FANCD2: variants seen among roughly 807,000 people sequenced by gnomAD.
The protein encoded by FANCD2 is FA complementation group D2.
In FANCD2, 131 loss-of-function variants were observed where a neutral mutation model predicts 192.3. That is an observed-to-expected ratio of 0.68 (90% confidence interval 0.59 to 0.79). FANCD2 has a LOEUF of 0.79. FANCD2 is among the 30% of genes least tolerant of loss of function. FANCD2 has a pLI of 0.00. For synonymous variants in FANCD2, 524 were observed against 612.5 expected (o/e 0.86, Z 2.13); for missense variants, 1,508 against 1,701.6 (o/e 0.89, Z 2.00).
chr3:10,039,829 G>T lies in FANCD2; in HGVS notation c.679G>T (p.Val227Leu). The stretch of plus-strand genomic sequence containing the variant: ...CCTAGGGGATTCCCAGCACGCTGAT[G>T]TGGGGAAAGAACTCAGGTGGATAAA... ...EILGDSQHAD[V>L]GKELSDLLIE... is the part of the protein sequence containing the mutation. Residue 227 changes from valine to leucine, a missense_variant, in exon 9 of 44, where the codon GTG becomes TTG. By Grantham distance (32) the Val-to-Leu change is conservative. Coordinates refer to ENST00000675286, the MANE Select transcript of FANCD2 (RefSeq NM_001018115.3). 1 of 1,614,022 alleles carries T rather than the reference G, an allele frequency of 6.2e-7. No individual in the cohort carries two copies. The highest frequency in any genetic ancestry group is 2.2e-5 in the East Asian group (1 of 44,870).
intron 32 of FANCD2, 98 bp from the exon 33 acceptor site, chr3:10,085,714 A>G: frequency 2.4e-6 from 2 of 840,228 alleles, no homozygotes; most frequent in Non-Finnish European, 4.2e-6. Flanking sequence ...TCAAACCGTT[A>G]AACTATTGAT....
intron 43 of FANCD2, among the ~76,000 whole-genome samples, 175 bp from the exon 44 acceptor site, chr3:10,101,013 G>A (rs1452045042): frequency 6.6e-6 from 1 of 151,772 alleles, no homozygotes; most frequent in African/African-American, 2.4e-5. Context: ...AGGTTGCAGT[G>A]AGCTGAGATC....
rs748717972 is a variant in FANCD2, at chr3:10,085,936, A to G, written c.3335+14A>G. 1.1e-5 allele frequency: 17 copies of G among 1,547,744 alleles called. No homozygotes were observed. The highest frequency in any genetic ancestry group is 1.7e-4 in the Middle Eastern group (1 of 5,960). On this transcript the variant is annotated intron_variant, in intron 33 of 43. Coordinates refer to ENST00000675286, the MANE Select transcript of FANCD2 (RefSeq NM_001018115.3). Reference sequence around the variant, plus strand: ...GGAACTACTCAGGTGAGTCATAACTACATAGCCAAGATTGTTGTCCCAAGA... The same window carrying G: ...GGAACTACTCAGGTGAGTCATAACTGCATAGCCAAGATTGTTGTCCCAAGA...
chr3:10,088,797 T>A (rs761955186), intron 35 of FANCD2, 31 bp from the exon 36 acceptor site: 1 of 1,612,396 alleles, frequency 6.2e-7, no homozygotes, highest in Non-Finnish European at 8.5e-7. Context: ...CTTTGTTAAT[T>A]AGTGGGTCAA....
At chr3:10,047,155 G>A (rs536966845) in intron 15 of FANCD2, among the ~76,000 whole-genome samples, 32 of 152,236 alleles carry the variant, frequency 2.1e-4, no homozygotes, top group South Asian at 4.1e-4. Context: ...ATGGGCCAGT[G>A]GTTTGGGGTT....
At chr3:10,048,326 G>A (rs1049718680) in intron 16 of FANCD2, among the ~76,000 whole-genome samples, 12 of 119,170 alleles carry the variant, frequency 1.0e-4, no homozygotes, top group East Asian at 9.2e-4. Context: ...GTTTTGAGAC[G>A]TGGTTTTGCT....
intron 29 of FANCD2, among the ~76,000 whole-genome samples, chr3:10,077,767 T>C (rs1378249005): frequency 1.3e-5 from 2 of 152,042 alleles, no homozygotes; most frequent in Admixed American, 6.6e-5. Context: ...TGGTGGTTCA[T>C]ACCTGTAATC....
chr3:10,036,319 G>A lies in FANCD2; in HGVS notation c.471G>A (p.Leu157=). 6.2e-7 allele frequency: 1 copy of A among 1,612,866 alleles called. No homozygotes were observed. Among genetic ancestry groups the A allele is most frequent in the Non-Finnish European group, 8.5e-7 (1 of 1,179,182 alleles). Residue 157 remains leucine (L), a synonymous_variant, in exon 7 of 44, where the codon TTG becomes TTA. Transcript: ENST00000675286. ...PAIIKTLFEK[L]PEYFFENKNS... ...TTATCAAAACCTTATTTGAGAAGTT[G>A]CCAGAATATTTTTTTGAAAAGTAAG...
At chr3:10,060,229 A>G in intron 18 of FANCD2, 65 bp from the exon 19 acceptor site, 2 of 1,121,150 alleles carry the variant, frequency 1.8e-6, no homozygotes, top group African/African-American at 1.5e-5. Context: ...ATATGGCTCG[A>G]TATCCATACC....
At chr3:10,054,413 AT>A (rs1172540168) in intron 18 of FANCD2, among the ~76,000 whole-genome samples, 1 of 93,496 alleles carries the variant, frequency 1.1e-5, no homozygotes, top group African/African-American at 7.0e-5. Flanking sequence ...GTATATACGT[AT>A]ATACATATAT....
At chr3:10,072,736 A>T in intron 26 of FANCD2, 135 bp from the exon 27 acceptor site, 1 of 688,236 alleles carries the variant, frequency 1.5e-6, no homozygotes, top group South Asian at 1.6e-5. Context: ...AGATGACTTG[A>T]ATATGTCTTA....
chr3:10,028,605 G>GT lies in FANCD2; in HGVS notation c.-33-17dup. The GT allele has an allele frequency of 6.6e-7, 1 of 1,510,460 alleles. No individual in the cohort carries two copies. Among genetic ancestry groups the GT allele is most frequent in the Non-Finnish European group, 9.2e-7 (1 of 1,085,994 alleles). The allele number at this position is 1,510,460 out of a possible 1,614,324, so 93.6% of individuals were successfully genotyped here. A position where few individuals can be genotyped will look rare whatever the true frequency, so the allele number is the denominator to read the frequency against. Reference sequence around the variant, plus strand: ...ATTTATCTTCTAGAGGGTAACTTCTGTTTCCCGATTTTGCTCTAGGAAGTA... The same window carrying GT: ...ATTTATCTTCTAGAGGGTAACTTCTGTTTTCCCGATTTTGCTCTAGGAAGTA... On this transcript the variant is annotated intron_variant, in intron 1 of 43. Transcript: ENST00000675286.
At chr3:10,057,744 G>C (rs1453337165) in intron 18 of FANCD2, among the ~76,000 whole-genome samples, 1 of 151,964 alleles carries the variant, frequency 6.6e-6, no homozygotes, top group East Asian at 1.9e-4. Context: ...TCTTTAGAAG[G>C]GGTAAACAGT....
chr3:10,071,680 G>T (rs1190594139), intron 26 of FANCD2, among the ~76,000 whole-genome samples: 2 of 152,186 alleles, frequency 1.3e-5, no homozygotes, highest in East Asian at 1.9e-4. Context: ...GCTGGGGAGG[G>T]TAATGGTGGT....
intron 14 of FANCD2, among the ~76,000 whole-genome samples, chr3:10,044,476 T>C (rs1282098854): frequency 8.6e-4 from 131 of 152,000 alleles, no homozygotes; most frequent in African/African-American, 3.1e-3. Flanking sequence ...GAGACCAGCC[T>C]GGCCAATGTA....
intron 18 of FANCD2, among the ~76,000 whole-genome samples, chr3:10,060,069 A>G (rs1032516016): frequency 6.6e-6 from 1 of 151,626 alleles, no homozygotes; most frequent in African/African-American, 2.4e-5. Context: ...CAGGAGGCTG[A>G]GGCAGGAGAA....
chr3:10,074,346 C>T (rs1693419002), intron 28 of FANCD2, among the ~76,000 whole-genome samples, 184 bp from the exon 29 acceptor site: 2 of 152,144 alleles, frequency 1.3e-5, no homozygotes, highest in African/African-American at 4.8e-5. Context: ...CTTGTATCCC[C>T]ATCTTAAATT....
intron 17 of FANCD2, among the ~76,000 whole-genome samples, chr3:10,050,267 T>C (rs2087155771): frequency 1.3e-5 from 2 of 152,108 alleles, no homozygotes; most frequent in Non-Finnish European, 2.9e-5. Flanking sequence ...CACGGGAATG[T>C]AGAAGAAATT....
intron 14 of FANCD2, among the ~76,000 whole-genome samples, chr3:10,044,565 C>T (rs1169614235): frequency 3.0e-4 from 46 of 151,806 alleles, no homozygotes; most frequent in Non-Finnish European, 1.0e-4. Flanking sequence ...CCAGCCTGGG[C>T]GACAGTGCAA....
Sources: gnomAD v4.1 joint callset for allele counts (sites outside exome capture counted in the v4.1 genomes callset) on GRCh38, gnomAD v4.1.1 for gene constraint, MANE v1.5 for transcripts, NCBI Gene and HGNC (gene_info 2026-07-23, HGNC 2026-07-21) for gene names.